The following FNBP4 variants were observed in gnomAD, a reference collection of about 807,000 sequenced individuals.
The protein encoded by FNBP4 is formin-binding protein 4.
FNBP4 carries 34 observed loss-of-function variants against 119.3 expected under a neutral mutation model. The observed-to-expected ratio is 0.28, with a 90% CI of 0.22 to 0.38. The LOEUF (loss-of-function observed/expected upper bound fraction) is 0.38, where lower values mean the gene tolerates loss of function less well. Among genes scored for constraint, FNBP4 ranks in the 10% least tolerant of loss-of-function variants. The pLI, the probability that FNBP4 is intolerant of heterozygous loss-of-function variation, is 1.00. For synonymous variants in FNBP4, 462 were observed against 430.6 expected (o/e 1.07, Z -0.90); for missense variants, 1,112 against 1,228.9 (o/e 0.90, Z 1.42).
chr11:47,743,809 T>C, intron 8 of FNBP4, 144 bp downstream of exon 8: 1 of 714,020 alleles, frequency 1.4e-6, no homozygotes, highest in Non-Finnish European at 2.3e-6. Context: ...GGTAGAGAGG[T>C]GGATGGAAGC....
Position 47,723,151 on chromosome 11 carries a change from C to T in FNBP4, c.2630G>A (p.Cys877Tyr), listed in dbSNP as rs752516715. 6.2e-7 allele frequency: 1 copy of T among 1,614,064 alleles called. No homozygotes were observed. The highest frequency in any genetic ancestry group is 8.5e-7 in the Non-Finnish European group (1 of 1,180,006). The change falls in exon 15 of 17, where the codon TGT becomes TAT. Residue 877 changes from cysteine (C) to tyrosine (Y), a missense_variant. Around this residue, in one of 2 missense-constraint regions of FNBP4, gnomAD observed 826 missense variants for 988.8 expected, o/e 0.84. Coordinates refer to ENST00000263773, the MANE Select transcript of FNBP4 (RefSeq NM_015308.5). Reference sequence around the variant, plus strand: ...AGCAGTCACTCCAATTGGGACAGAACATTCTGCATAACTCATAATTGCAGG... The same window carrying T: ...AGCAGTCACTCCAATTGGGACAGAATATTCTGCATAACTCATAATTGCAGG... The part of the protein sequence containing the change: ...AAPAIMSYAE[C>Y]SVPIGVTAPS...
chr11:47,747,244 T>C (rs1442401727), intron 6 of FNBP4, among the ~76,000 whole-genome samples: 1 of 152,018 alleles, frequency 6.6e-6, no homozygotes, highest in African/African-American at 2.4e-5. Context: ...TCGCTCTTCT[T>C]GCCCAGGCTG....
intron 6 of FNBP4, among the ~76,000 whole-genome samples, chr11:47,749,729 A>G (rs934312897): frequency 6.6e-6 from 1 of 152,148 alleles, no homozygotes; most frequent in Non-Finnish European, 1.5e-5. Flanking sequence ...GAAAAATCCA[A>G]AATCTGAAAC....
intron 9 of FNBP4, among the ~76,000 whole-genome samples, chr11:47,736,037 C>T (rs1017061400): frequency 2.6e-5 from 4 of 151,566 alleles, no homozygotes; most frequent in African/African-American, 9.7e-5. Flanking sequence ...GAGATCATGC[C>T]ACTGCACTCC....
At chr11:47,726,433 GAGAC>G (rs1246568281) in intron 12 of FNBP4, 1 of 120,208 alleles carries the variant, frequency 8.3e-6, no homozygotes, top group Non-Finnish European at 1.7e-5. Context: ...TTTTTTTAAA[GAGAC>G]AGTCTCACTA....
At chr11:47,722,198 G>A (rs1286404116) in intron 15 of FNBP4, among the ~76,000 whole-genome samples, 4 of 149,468 alleles carry the variant, frequency 2.7e-5, no homozygotes, top group Admixed American at 6.7e-5. Context: ...CCCCTAGGGA[G>A]AGTATCTGAC....
At chr11:47,739,790 C>A (rs2097579202) in intron 8 of FNBP4, among the ~76,000 whole-genome samples, 1 of 151,974 alleles carries the variant, frequency 6.6e-6, no homozygotes. Flanking sequence ...TCTCCTTTTT[C>A]TTTTGAGATG....
chr11:47,732,815 C>A lies in FNBP4; in HGVS notation c.1687-145G>T. ...CAGAGAGGAAAATAAACCCCATCTT[C>A]ATCTCATAAAATAATCTTAAGGCCG... On this transcript the variant is annotated intron_variant, in intron 10 of 16. Coordinates refer to ENST00000263773, the MANE Select transcript of FNBP4 (RefSeq NM_015308.5). This position sits in a 1 kb window ranked among gnomAD's most constrained non-coding sequence, Gnocchi z 4.2. 2 of 759,362 alleles carry A rather than the reference C, an allele frequency of 2.6e-6. No homozygotes were observed. The highest frequency in any genetic ancestry group is 3.6e-5 in the South Asian group (2 of 55,194). The allele number at this position is 759,362 out of a possible 1,614,324, so 47.0% of individuals were successfully genotyped here.
At chr11:47,756,521 T>C (rs2097618594) in intron 2 of FNBP4, among the ~76,000 whole-genome samples, 1 of 152,108 alleles carries the variant, frequency 6.6e-6, no homozygotes, top group South Asian at 2.1e-4. Context: ...CTTCATTTTT[T>C]TCTTTCTGTA....
At chr11:47,765,148 T>C (rs1167403710) in intron 2 of FNBP4, 122 bp downstream of exon 2, 3 of 648,108 alleles carry the variant, frequency 4.6e-6, no homozygotes, top group Non-Finnish European at 8.0e-6. Context: ...TTAAATCATA[T>C]TTTTGGGAGA....
In FNBP4 at chr11:47,754,657, T is replaced by C. The variant is rs373960610; in HGVS notation, c.321A>G (p.Leu107=). Reference sequence around the variant, plus strand: ...TGTCAGCATAAGCACCAAGCAAGCATAGACCGCCTAGAAACAAAAAGGTAA... The same window carrying C: ...TGTCAGCATAAGCACCAAGCAAGCACAGACCGCCTAGAAACAAAAAGGTAA... ...RPTAVKATGG[L]CLLGAYADSD... is the part of the protein sequence containing the mutation. The change falls in exon 3 of 17, where the codon CTA becomes CTG. Residue 107 remains leucine, a synonymous_variant. Coordinates refer to ENST00000263773, the MANE Select transcript of FNBP4 (RefSeq NM_015308.5). 2.2e-5 allele frequency: 35 copies of C among 1,613,400 alleles called. No individual in the cohort carries two copies. Among genetic ancestry groups the C allele is most frequent in the African/African-American group, 1.7e-4 (13 of 74,852 alleles).
chr11:47,734,019 A>G lies in FNBP4; in HGVS notation c.1686+6T>C. ...TTATGCCAAAAAAAAAAAAAAAAAG[A>G]CTTACCTCAGTCTGTAAGAGCAGCA... On this transcript the variant is annotated splice_donor_region_variant and intron_variant, in intron 10 of 16. Transcript: ENST00000263773. 1 of 1,367,418 alleles carries G rather than the reference A, an allele frequency of 7.3e-7. No homozygotes were observed. Among genetic ancestry groups the G allele is most frequent in the Non-Finnish European group, 9.9e-7 (1 of 1,010,640 alleles). 84.7% of individuals were successfully genotyped at this position (1,367,418 alleles called of 1,614,324 possible). A position where few individuals can be genotyped will look rare whatever the true frequency, so the allele number is the denominator to read the frequency against.
chr11:47,749,915 C>T (rs2097598563), intron 6 of FNBP4, among the ~76,000 whole-genome samples: 1 of 152,112 alleles, frequency 6.6e-6, no homozygotes, highest in African/African-American at 2.4e-5. Flanking sequence ...AATACTCAAC[C>T]TGCAGTAGTT....
chr11:47,729,541 T>C (rs909064384), intron 12 of FNBP4: 1 of 980,066 alleles, frequency 1.0e-6, no homozygotes, highest in African/African-American at 1.8e-5. Context: ...AGGGTCTTGT[T>C]CTCTGTCGCT....
chr11:47,758,845 G>A (rs559772189), intron 2 of FNBP4, among the ~76,000 whole-genome samples: 3 of 151,798 alleles, frequency 2.0e-5, no homozygotes, highest in Admixed American at 6.6e-5. Flanking sequence ...GTGACAGGGC[G>A]AGACTCCGTC....
intron 9 of FNBP4, among the ~76,000 whole-genome samples, chr11:47,734,701 G>A (rs2097571590): frequency 6.6e-6 from 1 of 152,100 alleles, no homozygotes; most frequent in African/African-American, 2.4e-5. Context: ...GGGGCTGGGT[G>A]TGGTGGCTCA....
At chr11:47,734,487 G>C (rs895320080) in intron 9 of FNBP4, among the ~76,000 whole-genome samples, 6 of 152,094 alleles carry the variant, frequency 3.9e-5, no homozygotes, top group African/African-American at 1.4e-4. Context: ...AAAGTGCTGA[G>C]ATTACAGATG....
chr11:47,723,405 T>A, intron 14 of FNBP4, 89 bp from the exon 15 acceptor site: 2 of 1,502,728 alleles, frequency 1.3e-6, no homozygotes, highest in Non-Finnish European at 8.9e-7. Context: ...TTAGATCACA[T>A]AGAAAATGAT....
At chr11:47,760,103 C>T (rs1489144000) in intron 2 of FNBP4, among the ~76,000 whole-genome samples, 5 of 152,168 alleles carry the variant, frequency 3.3e-5, no homozygotes, top group Non-Finnish European at 5.9e-5. Flanking sequence ...CAGGCAAAAT[C>T]GGCTCTGCCT....
Sources: allele counts gnomAD v4.1 joint callset (sites outside exome capture counted in the v4.1 genomes callset), GRCh38; gene constraint gnomAD v4.1.1; regional missense constraint gnomAD v4.1.1; non-coding constraint Gnocchi (gnomAD v3.1); transcripts MANE v1.5; gene names NCBI Gene and HGNC (gene_info 2026-07-23, HGNC 2026-07-21).